The following MAP2K5 variants were observed in gnomAD, a reference collection of about 807,000 sequenced individuals.
MAP2K5 encodes mitogen-activated protein kinase kinase 5.
MAP2K5 carries 49 observed loss-of-function variants against 83.1 expected under a neutral mutation model. The ratio of observed to expected loss-of-function variants is 0.59; its 90% CI spans 0.47 to 0.75. The LOEUF is 0.75. Among genes scored for constraint, MAP2K5 ranks in the 30% least tolerant of loss-of-function variants. The probability of loss-of-function intolerance (pLI) is 0.00; values close to 1 mark genes in which losing one functional copy is unlikely to be tolerated. For synonymous variants in MAP2K5, 202 were observed against 191.8 expected (o/e 1.05, Z -0.44); for missense variants, 457 against 557.5 (o/e 0.82, Z 1.82).
intron 12 of MAP2K5, among the ~76,000 whole-genome samples, chr15:67,661,397 A>G (rs1000895336): frequency 6.6e-6 from 1 of 152,118 alleles, no homozygotes; most frequent in African/African-American, 2.4e-5. Context: ...TGCACTTGAC[A>G]TGTCAAGGAG....
chr15:67,701,633 A>G (rs1021106804), intron 15 of MAP2K5, among the ~76,000 whole-genome samples: 1 of 152,196 alleles, frequency 6.6e-6, no homozygotes, highest in African/African-American at 2.4e-5. Flanking sequence ...TCTCCAGGGA[A>G]CATGGAAATA....
At chr15:67,792,845 T>C (rs1249318499) in intron 21 of MAP2K5, among the ~76,000 whole-genome samples, 6 of 152,202 alleles carry the variant, frequency 3.9e-5, no homozygotes, top group Admixed American at 1.3e-4. Context: ...TTTAATGAAT[T>C]CAGAGGATCG....
chr15:67,603,988 A>T (rs2085723680), intron 8 of MAP2K5, among the ~76,000 whole-genome samples: 1 of 152,258 alleles, frequency 6.6e-6, no homozygotes. Context: ...ATGCAGTCTT[A>T]TTCACTTCAC....
chr15:67,744,453 T>C (rs1224627467), intron 17 of MAP2K5, among the ~76,000 whole-genome samples: 1 of 152,246 alleles, frequency 6.6e-6, no homozygotes, highest in South Asian at 2.1e-4. Context: ...TGTCAACTGA[T>C]ATTGGAAGAT....
rs568045502 is a variant in MAP2K5 at position 67,589,811 on chromosome 15, G to A, written c.431+2898G>A. Among the ~76,000 whole-genome samples the A allele has an allele frequency of 3.3e-4, 50 of 150,512 alleles. No individual in the cohort carries two copies. The East Asian group carries it at 9.3e-3, about 28-fold the overall frequency. ...TGTGTGTGTGTGTGTGTGTGTGTGT[G>A]TGTGTATAAGAGATAGATGGACTTC... On this transcript the variant is annotated intron_variant, in intron 6 of 21. Transcript: ENST00000178640.
chr15:67,672,309 T>A (rs2087560676), intron 13 of MAP2K5, among the ~76,000 whole-genome samples: 1 of 152,010 alleles, frequency 6.6e-6, no homozygotes, highest in African/African-American at 2.4e-5. Context: ...TTTCTCTACA[T>A]CCTCTCCAGC....
At chr15:67,765,068 A>G (rs188621724) in intron 19 of MAP2K5, among the ~76,000 whole-genome samples, 51 of 152,338 alleles carry the variant, frequency 3.3e-4, no homozygotes, top group Admixed American at 1.8e-3. Flanking sequence ...TCGTAAGTAT[A>G]GTACAGTATT....
In MAP2K5 at chr15:67,772,701, C is replaced by T; in HGVS notation, c.1197-6C>T. ...AACATAAGGGGTTTTTTTCTCTCCA[C>T]TATAGTATGCGAAAACAGCCAAAAG... On this transcript the variant is annotated splice_region_variant and splice_polypyrimidine_tract_variant and intron_variant, in intron 20 of 21. Coordinates refer to ENST00000178640, the MANE Select transcript of MAP2K5 (RefSeq NM_145160.3). 1 of 1,598,946 alleles carries T rather than the reference C, an allele frequency of 6.3e-7. No homozygotes were observed.
rs565129514 is a variant in MAP2K5, at chr15:67,732,702, G to A, written c.1074+4757G>A. 4.0e-5 allele frequency among the ~76,000 whole-genome samples: 6 copies of A among 151,322 alleles called. No individual in the cohort carries two copies. In the South Asian group the frequency reaches 1.3e-3, roughly 32 times the overall value. ...AATTCCGACTCCCCGCTGCTGCAGTGATTTTCATCTTGTTGTTAATTTTCC... is the reference window on the plus strand; with the variant it reads ...AATTCCGACTCCCCGCTGCTGCAGTAATTTTCATCTTGTTGTTAATTTTCC... On this transcript the variant is annotated intron_variant, in intron 17 of 21. Coordinates refer to ENST00000178640, the MANE Select transcript of MAP2K5 (RefSeq NM_145160.3).
intron 17 of MAP2K5, among the ~76,000 whole-genome samples, chr15:67,744,266 T>TA (rs1409089775): frequency 6.6e-6 from 1 of 152,000 alleles, no homozygotes; most frequent in Non-Finnish European, 1.5e-5. Flanking sequence ...TTTGAAGTTT[T>TA]AAAAAAAAGA....
At chr15:67,772,314 CA>C (rs1055934867) in intron 20 of MAP2K5, among the ~76,000 whole-genome samples, 5 of 148,696 alleles carry the variant, frequency 3.4e-5, no homozygotes, top group East Asian at 1.9e-4. Context: ...TCCCAATTAC[CA>C]AAAAAAAAGG....
intron 16 of MAP2K5, among the ~76,000 whole-genome samples, chr15:67,725,643 T>A (rs905108384): frequency 6.6e-6 from 1 of 152,250 alleles, no homozygotes; most frequent in African/African-American, 2.4e-5. Context: ...GTAGTAGTTA[T>A]TAAGCTATTA....
At chr15:67,648,272 T>C (rs1200050375) in intron 11 of MAP2K5, among the ~76,000 whole-genome samples, 1 of 152,230 alleles carries the variant, frequency 6.6e-6, no homozygotes, top group East Asian at 1.9e-4. Context: ...TGATTTATCT[T>C]CTGTCTCTAT....
chr15:67,599,950 T>C (rs1382537576), intron 7 of MAP2K5, among the ~76,000 whole-genome samples: 1 of 152,122 alleles, frequency 6.6e-6, no homozygotes, highest in African/African-American at 2.4e-5. Context: ...AGAGTAGTTA[T>C]TTGTGGTATA....
chr15:67,586,046 A>AT (rs1376912731), intron 5 of MAP2K5, 116 bp downstream of exon 5: 33 of 939,554 alleles, frequency 3.5e-5, no homozygotes, highest in Non-Finnish European at 4.6e-5. Context: ...CGATCCTTTT[A>AT]TTTTTTTTAA....
intron 17 of MAP2K5, among the ~76,000 whole-genome samples, chr15:67,737,874 CAG>C (rs2089378774): frequency 1.3e-5 from 1 of 78,876 alleles, no homozygotes; most frequent in Admixed American, 2.2e-4. Context: ...TTTTTTGAGA[CAG>C]AGTGTCACTC....
chr15:67,706,484 G>A (rs925832766), intron 16 of MAP2K5, among the ~76,000 whole-genome samples: 2 of 152,184 alleles, frequency 1.3e-5, no homozygotes, highest in Non-Finnish European at 2.9e-5. Flanking sequence ...GGTCAGGAGT[G>A]AGGGCCAGGA....
chr15:67,591,116 G>T (rs1486660940), intron 6 of MAP2K5, among the ~76,000 whole-genome samples: 1 of 152,048 alleles, frequency 6.6e-6, no homozygotes, highest in Non-Finnish European at 1.5e-5. Flanking sequence ...GGAGGCCAAG[G>T]TGGGCAGATC....
At chr15:67,743,280 G>GTAGC (rs1302459230) in intron 17 of MAP2K5, among the ~76,000 whole-genome samples, 1 of 152,186 alleles carries the variant, frequency 6.6e-6, no homozygotes, top group Non-Finnish European at 1.5e-5. Flanking sequence ...AACCTACTGA[G>GTAGC]TAGCTGCCTG....
Sources: gnomAD v4.1 joint callset for allele counts (sites outside exome capture counted in the v4.1 genomes callset) on GRCh38, gnomAD v4.1.1 for gene constraint, MANE v1.5 for transcripts, NCBI Gene and HGNC (gene_info 2026-07-23, HGNC 2026-07-21) for gene names.